The following RIMS2 variants were observed in gnomAD, a reference collection of about 807,000 sequenced individuals.
RIMS2 encodes regulating synaptic membrane exocytosis 2.
A neutral mutation model predicts 174.4 loss-of-function variants in RIMS2; 59 were observed. That is an observed-to-expected ratio of 0.34 (90% CI 0.27 to 0.42). The LOEUF (loss-of-function observed/expected upper bound fraction) is 0.42. Among genes scored for constraint, RIMS2 ranks in the 10% least tolerant of loss-of-function variants. The pLI is 1.00. For synonymous variants in RIMS2, 606 were observed against 572.5 expected (o/e 1.06, Z -0.84); for missense variants, 1,620 against 1,666.3 (o/e 0.97, Z 0.48).
intron 19 of RIMS2, among the ~76,000 whole-genome samples, chr8:104,145,508 A>G (rs535714041): frequency 1.1e-4 from 15 of 139,228 alleles, no homozygotes; most frequent in African/African-American, 4.0e-4. Context: ...TTCAAAAATC[A>G]AGAGTCCCAA....
At chr8:104,076,638 A>G (rs2097297879) in intron 19 of RIMS2, among the ~76,000 whole-genome samples, 1 of 152,122 alleles carries the variant, frequency 6.6e-6, no homozygotes, top group Non-Finnish European at 1.5e-5. Flanking sequence ...TTAGGGTTAA[A>G]TAAAGACTAC....
intron 2 of RIMS2, among the ~76,000 whole-genome samples, chr8:103,699,017 G>T (rs76076340): frequency 6.6e-6 from 1 of 152,116 alleles, no homozygotes; most frequent in Admixed American, 6.5e-5. Context: ...AGTAAGGTTT[G>T]TTTTCTTAAT....
chr8:103,860,957 T>A (rs1416240020), intron 3 of RIMS2, among the ~76,000 whole-genome samples: 2 of 144,324 alleles, frequency 1.4e-5, no homozygotes, highest in Non-Finnish European at 3.0e-5. Context: ...GTAGGTTATA[T>A]TTTTTCTTTT....
At chr8:104,170,272 G>A (rs542057448) in intron 19 of RIMS2, among the ~76,000 whole-genome samples, 2 of 152,180 alleles carry the variant, frequency 1.3e-5, no homozygotes, top group African/African-American at 4.8e-5. Flanking sequence ...GAGAATTGGA[G>A]TGACCGCCTA....
chr8:104,196,642 G>A (rs2099025875), intron 19 of RIMS2, among the ~76,000 whole-genome samples: 1 of 152,098 alleles, frequency 6.6e-6, no homozygotes, highest in Non-Finnish European at 1.5e-5. Context: ...CTGTGGTACA[G>A]GATGTGTTTG....
intron 19 of RIMS2, among the ~76,000 whole-genome samples, chr8:104,212,739 TA>T (rs139731450): frequency 0.05 from 7,646 of 152,288 alleles, 272 homozygotes; most frequent in Middle Eastern, 0.099. Context: ...AAAGGTCTTA[TA>T]AACCACTTCA....
At chr8:103,847,294 A>C (rs1253020304) in intron 3 of RIMS2, among the ~76,000 whole-genome samples, 3 of 152,060 alleles carry the variant, frequency 2.0e-5, no homozygotes, top group Admixed American at 6.6e-5. Flanking sequence ...ATAGCAGCTT[A>C]TGATAACCAT....
chr8:103,885,691 TGA>T lies in RIMS2; in HGVS notation c.1097_1098del (p.Arg366LysfsTer3). On this transcript the variant is annotated frameshift_variant, in exon 4 of 24. Transcript: ENST00000504942. LOFTEE classifies it high-confidence loss of function. The stretch of plus-strand genomic sequence containing the variant: ...ATGCTGAAGTGTCCCGAGCACGGCA[TGA>T]GAGAAGGCATAGTGATGTTTCTTTG... 1 of 1,613,098 alleles carries T rather than the reference TGA, an allele frequency of 6.2e-7. No homozygotes were observed. Among genetic ancestry groups the T allele is most frequent in the Non-Finnish European group, 8.5e-7 (1 of 1,179,470 alleles).
At chr8:103,996,604 A>G (rs1016285020) in intron 17 of RIMS2, among the ~76,000 whole-genome samples, 3 of 152,002 alleles carry the variant, frequency 2.0e-5, no homozygotes, top group Non-Finnish European at 4.4e-5. Context: ...AATCCAGTAC[A>G]TTAAATGCAT....
intron 2 of RIMS2, among the ~76,000 whole-genome samples, chr8:103,734,037 T>C (rs1420254534): frequency 7.4e-6 from 1 of 135,358 alleles, no homozygotes; most frequent in Non-Finnish European, 1.6e-5. Context: ...TTTTTTTTTT[T>C]TTCCCAGACG....
At chr8:103,531,615 T>C (rs1451810893) in intron 1 of RIMS2, among the ~76,000 whole-genome samples, 1 of 152,148 alleles carries the variant, frequency 6.6e-6, no homozygotes, top group Non-Finnish European at 1.5e-5. Context: ...AGAATGGCTT[T>C]TACATGTTTA....
chr8:103,762,165 T>C lies in RIMS2; in HGVS notation c.388-4062T>C, dbSNP rs527365922. Among the ~76,000 whole-genome samples, 40 of 152,164 alleles carry C rather than the reference T, an allele frequency of 2.6e-4. No individual in the cohort carries two copies. The South Asian group carries it at 7.9e-3, about 30-fold the overall frequency. ...CTAAGAATGTTTATGGAATAAAACATATGGAAGTAAGTGACAAATTTGGGT... is the reference window on the plus strand; with the variant it reads ...CTAAGAATGTTTATGGAATAAAACACATGGAAGTAAGTGACAAATTTGGGT... On this transcript the variant is annotated intron_variant, in intron 2 of 23. Transcript: ENST00000504942.
chr8:103,581,329 T>C (rs554705975), intron 1 of RIMS2, among the ~76,000 whole-genome samples: 14 of 152,256 alleles, frequency 9.2e-5, no homozygotes, highest in African/African-American at 2.9e-4. Context: ...GGCCAACATA[T>C]GTAAATGAAT....
chr8:103,576,939 G>A (rs2093286628), intron 1 of RIMS2, among the ~76,000 whole-genome samples: 1 of 152,090 alleles, frequency 6.6e-6, no homozygotes, highest in South Asian at 2.1e-4. Context: ...ATGGATTAAA[G>A]ACTTAAATGT....
chr8:103,812,528 C>T (rs185947647), intron 3 of RIMS2, among the ~76,000 whole-genome samples: 2 of 152,002 alleles, frequency 1.3e-5, no homozygotes, highest in East Asian at 1.9e-4. Flanking sequence ...ATTACAGGCG[C>T]GTACCACTAC....
intron 21 of RIMS2, 32 bp from the exon 28 acceptor site, chr8:104,249,455 A>T: frequency 1.7e-6 from 2 of 1,199,254 alleles, no homozygotes; most frequent in Non-Finnish European, 2.5e-6. Flanking sequence ...TTTGTATATT[A>T]AAGCACATTT....
intron 1 of RIMS2, among the ~76,000 whole-genome samples, chr8:103,611,479 A>G (rs893384576): frequency 6.6e-6 from 1 of 151,294 alleles, no homozygotes; most frequent in African/African-American, 2.4e-5. Context: ...AGCATTTCTT[A>G]TAGGATAGGT....
At position 104,068,185 on chromosome 8, in the gene RIMS2, T is replaced by C. The variant is rs1255134913; in HGVS notation, c.3334+53570T>C. ...AGTCAGAGTTCACATGATATTATTA[T>C]TGTCAAATTTCTGTGCAGTCAAATG... On this transcript the variant is annotated intron_variant, in intron 19 of 23. Transcript: ENST00000504942. Among the ~76,000 whole-genome samples, 3 of 152,238 alleles carry C rather than the reference T, an allele frequency of 2.0e-5. No homozygotes were observed. The East Asian group carries it at 5.8e-4, about 29-fold the overall frequency.
chr8:104,138,346 C>G (rs2133380218), intron 19 of RIMS2, among the ~76,000 whole-genome samples: 1 of 152,238 alleles, frequency 6.6e-6, no homozygotes, highest in African/African-American at 2.4e-5. Context: ...CTTGAGGAAC[C>G]TCCAAACTTG....
Sources: gnomAD v4.1 joint callset for allele counts (sites outside exome capture counted in the v4.1 genomes callset) on GRCh38, gnomAD v4.1.1 for gene constraint, MANE v1.5 for transcripts, NCBI Gene and HGNC (gene_info 2026-07-23, HGNC 2026-07-21) for gene names.